NPFFR1: variants seen among roughly 807,000 people sequenced by gnomAD.
NPFFR1 encodes the protein G-protein coupled receptor 147.
A neutral mutation model predicts 12.7 loss-of-function variants in NPFFR1; 17 were observed. That is an observed-to-expected ratio of 1.34 (90% CI 0.92 to 2.01). The LOEUF (loss-of-function observed/expected upper bound fraction) is 2.01. Ranked by LOEUF, NPFFR1 falls within the 30% of genes most tolerant of loss-of-function variation. The pLI is 0.00. For missense variants in NPFFR1, 604 were observed against 606.5 expected (o/e 1.00, Z 0.04); for synonymous variants, 296 against 264.5 (o/e 1.12, Z -1.16).
intron 2 of NPFFR1, 124 bp from the exon 3 acceptor site, chr10:70,260,863 T>G: frequency 1.3e-6 from 1 of 785,734 alleles, no homozygotes; most frequent in Non-Finnish European, 2.1e-6. Context: ...CTAGGTGTTA[T>G]CTGGTCTCTG....
In NPFFR1 at chr10:70,255,041, A is replaced by G. The variant is rs774069431; in HGVS notation, c.1209T>C (p.Asn403=). ...APRPGRLPLR[N]GRVAHHGLPR... is the part of the protein sequence containing the mutation. The stretch of plus-strand genomic sequence containing the variant: ...GCAAGCCGTGGTGAGCCACCCGCCC[A>G]TTCCGCAGCGGGAGGCGGCCGGGCC... The change falls in exon 4 of 4, where the codon AAT becomes AAC. Residue 403 remains asparagine (N), a synonymous_variant. Transcript: ENST00000277942. This position sits in a 1 kb window ranked among gnomAD's most constrained non-coding sequence, Gnocchi z 4.2. 4.3e-5 allele frequency: 62 copies of G among 1,439,746 alleles called. No homozygotes were observed. The East Asian group carries it at 1.5e-3, about 35-fold the overall frequency. 89.2% of individuals were successfully genotyped at this position (1,439,746 alleles called of 1,614,324 possible).
Position 70,254,210 on chromosome 10 carries a change from G to A in NPFFR1, c.*747C>T, listed in dbSNP as rs927148958. Reference sequence around the variant, plus strand: ...GCCTTGGTCTGGGAGTCCCTCCTCTGTTCTCTAAGCTCAGACCCAGAGGGC... The same window carrying A: ...GCCTTGGTCTGGGAGTCCCTCCTCTATTCTCTAAGCTCAGACCCAGAGGGC... On this transcript the variant is annotated 3_prime_UTR_variant, in exon 4 of 4. Coordinates refer to ENST00000277942, the MANE Select transcript of NPFFR1 (RefSeq NM_022146.5). 6.6e-6 allele frequency: 1 copy of A among 152,236 alleles called. No homozygotes were observed. Among genetic ancestry groups the A allele is most frequent in the Non-Finnish European group, 1.5e-5 (1 of 68,052 alleles). The allele number at this position is 152,236 out of a possible 1,614,324, so 9.4% of individuals were successfully genotyped here. A position where few individuals can be genotyped will look rare whatever the true frequency, so the allele number is the denominator to read the frequency against.
chr10:70,254,873 T>G lies in NPFFR1; in HGVS notation c.*84A>C. 7.4e-7 allele frequency: 1 copy of G among 1,347,530 alleles called. No homozygotes were observed. The highest frequency in any genetic ancestry group is 9.5e-7 in the Non-Finnish European group (1 of 1,052,290). 83.5% of individuals were successfully genotyped at this position (1,347,530 alleles called of 1,614,324 possible). On this transcript the variant is annotated 3_prime_UTR_variant, in exon 4 of 4. Transcript: ENST00000277942. ...GAGGGAGGGACCACGCATCCTCACC[T>G]AACCACACCAGGCCGCTATCGCCTG... is the stretch of plus-strand genomic sequence containing the variant.
chr10:70,257,711 G>A (rs1400622027), intron 3 of NPFFR1, among the ~76,000 whole-genome samples: 1 of 152,226 alleles, frequency 6.6e-6, no homozygotes, highest in Non-Finnish European at 1.5e-5. Context: ...GAAGGCCACT[G>A]TCTCCTGCCT....
chr10:70,281,085 A>C (rs1174275989), intron 1 of NPFFR1, among the ~76,000 whole-genome samples: 2 of 152,236 alleles, frequency 1.3e-5, no homozygotes, highest in Non-Finnish European at 2.9e-5. Flanking sequence ...ATCCAGAGAT[A>C]ACCCCTATGT....
intron 2 of NPFFR1, among the ~76,000 whole-genome samples, chr10:70,262,126 G>A (rs535067586): frequency 1.4e-4 from 21 of 152,340 alleles, no homozygotes; most frequent in African/African-American, 5.1e-4. Context: ...AATGGGATAG[G>A]TGAGATAATG....
In NPFFR1 at chr10:70,253,017, A is replaced by T. The variant is rs1034805824; in HGVS notation, c.*1940T>A. 5 of 152,130 alleles carry T rather than the reference A, an allele frequency of 3.3e-5. No individual in the cohort carries two copies. The highest frequency in any genetic ancestry group is 1.2e-4 in the African/African-American group (5 of 41,398). The allele number at this position is 152,130 out of a possible 1,614,324, so 9.4% of individuals were successfully genotyped here. On this transcript the variant is annotated 3_prime_UTR_variant, in exon 4 of 4. Coordinates refer to ENST00000277942, the MANE Select transcript of NPFFR1 (RefSeq NM_022146.5). ...AGAGCCTGGAGTCAGACTTCTTCAC[A>T]ACAAATAGCCCAGAACCAGCTGGGA...
chr10:70,268,328 G>A (rs1374439643), intron 1 of NPFFR1, among the ~76,000 whole-genome samples: 2 of 152,168 alleles, frequency 1.3e-5, no homozygotes, highest in East Asian at 3.8e-4. Context: ...TAACAATTAT[G>A]TAATTATATC....
intron 1 of NPFFR1, among the ~76,000 whole-genome samples, chr10:70,267,447 A>C (rs1840705463): frequency 6.6e-6 from 1 of 152,058 alleles, no homozygotes; most frequent in Non-Finnish European, 1.5e-5. Flanking sequence ...CCCTCATTGA[A>C]TTACCCTAAG....
At chr10:70,276,955 G>C (rs1457679691) in intron 1 of NPFFR1, among the ~76,000 whole-genome samples, 1 of 152,196 alleles carries the variant, frequency 6.6e-6, no homozygotes, top group African/African-American at 2.4e-5. Flanking sequence ...TGCTTCATTT[G>C]TGAACTCAGA....
rs1840564624 is a variant in NPFFR1 at position 70,255,800 on chromosome 10, G to T, written c.450C>A (p.Arg150=). 1 of 1,610,170 alleles carries T rather than the reference G, an allele frequency of 6.2e-7. No individual in the cohort carries two copies. Among genetic ancestry groups the T allele is most frequent in the Non-Finnish European group, 8.5e-7 (1 of 1,178,388 alleles). The stretch of plus-strand genomic sequence containing the variant: ...GCGCCTTCCGCAGGGTCAGCTTCTC[G>T]CGGAAAGGGTGCACGATGCAGCGGA... ...ERFRCIVHPF[R]EKLTLRKALV... is the part of the protein sequence containing the mutation. Residue 150 remains arginine, a synonymous_variant, in exon 4 of 4, where the codon CGC becomes CGA. Coordinates refer to ENST00000277942, the MANE Select transcript of NPFFR1 (RefSeq NM_022146.5). The surrounding 1 kb of genome is among the most constrained non-coding windows in gnomAD (Gnocchi z 4.2).
intron 1 of NPFFR1, among the ~76,000 whole-genome samples, chr10:70,273,056 TCAGAAGGAA>T (rs1840765956): frequency 1.3e-5 from 2 of 152,206 alleles, no homozygotes; most frequent in Non-Finnish European, 2.9e-5. Flanking sequence ...ACCTTTCTAA[TCAGAAGGAA>T]ACTGATACGT....
Position 70,252,237 on chromosome 10 carries a change from T to A in NPFFR1, c.*2720A>T, listed in dbSNP as rs115619733. On this transcript the variant is annotated 3_prime_UTR_variant, in exon 4 of 4. Coordinates refer to ENST00000277942, the MANE Select transcript of NPFFR1 (RefSeq NM_022146.5). Reference sequence around the variant, plus strand: ...ATTCTGACACATGCCACAACATGGATGAACCTTGAAGACATTGTGCTAAGT... The same window carrying A: ...ATTCTGACACATGCCACAACATGGAAGAACCTTGAAGACATTGTGCTAAGT... 881 of 152,398 alleles carry A rather than the reference T, an allele frequency of 5.8e-3. 9 individuals are homozygous for A. Among genetic ancestry groups the A allele is most frequent in the African/African-American group, 0.02 (845 of 41,548 alleles). 9.4% of individuals were successfully genotyped at this position (152,398 alleles called of 1,614,324 possible). A position where few individuals can be genotyped will look rare whatever the true frequency, so the allele number is the denominator to read the frequency against.
At position 70,255,853 on chromosome 10, in the gene NPFFR1, G is replaced by T. The variant is rs370150983; in HGVS notation, c.423-26C>A. 3 of 1,586,420 alleles carry T rather than the reference G, an allele frequency of 1.9e-6. No homozygotes were observed. The highest frequency in any genetic ancestry group is 1.1e-5 in the South Asian group (1 of 86,984). ...CTGCCGCGGGGAGAGAGACAGGCGG[G>T]ATCTGGGTGGGTCCTAGGGCCCCTG... On this transcript the variant is annotated intron_variant, in intron 3 of 3. Transcript: ENST00000277942. This position sits in a 1 kb window ranked among gnomAD's most constrained non-coding sequence, Gnocchi z 4.2.
At chr10:70,263,036 G>A (rs150309857) in intron 2 of NPFFR1, among the ~76,000 whole-genome samples, 205 of 152,164 alleles carry the variant, frequency 1.3e-3, no homozygotes, top group Middle Eastern at 0.01. Context: ...ACATGGTGGC[G>A]CATTTCTGTA....
At chr10:70,266,880 A>G (rs913852710) in intron 1 of NPFFR1, among the ~76,000 whole-genome samples, 10 of 152,118 alleles carry the variant, frequency 6.6e-5, no homozygotes, top group African/African-American at 2.4e-4. Context: ...CTATAGCCAC[A>G]GCCTGCTCCT....
intron 1 of NPFFR1, among the ~76,000 whole-genome samples, chr10:70,272,756 A>G (rs1332679180): frequency 1.3e-5 from 2 of 152,202 alleles, no homozygotes; most frequent in African/African-American, 4.8e-5. Context: ...CAGTCGAGGC[A>G]CATCTGTCCA....
intron 1 of NPFFR1, among the ~76,000 whole-genome samples, chr10:70,266,714 C>T (rs1388787221): frequency 3.9e-5 from 6 of 152,358 alleles, no homozygotes; most frequent in African/African-American, 1.4e-4. Flanking sequence ...CTAAGTTCTG[C>T]ATTGCCCTGG....
chr10:70,260,566 C>T, intron 3 of NPFFR1, 74 bp downstream of exon 3: 1 of 1,296,852 alleles, frequency 7.7e-7, no homozygotes, highest in Non-Finnish European at 1.1e-6. Context: ...GCCAACCCAG[C>T]ATTAGAGGCA....
Sources: allele counts gnomAD v4.1 joint callset (sites outside exome capture counted in the v4.1 genomes callset), GRCh38; gene constraint gnomAD v4.1.1; non-coding constraint Gnocchi (gnomAD v3.1); transcripts MANE v1.5; gene names NCBI Gene and HGNC (gene_info 2026-07-23, HGNC 2026-07-21).